The following CCDC178 variants were observed in gnomAD, a reference collection of about 807,000 sequenced individuals.
The protein encoded by CCDC178 is coiled-coil domain-containing protein 178.
Under a neutral mutation model 117.4 loss-of-function variants are expected in CCDC178, and 126 were observed. The ratio of observed to expected loss-of-function variants is 1.07; its 90% CI spans 0.93 to 1.24. The LOEUF (loss-of-function observed/expected upper bound fraction) is 1.24, where lower values mean the gene tolerates loss of function less well. Ranked by LOEUF, CCDC178 falls within the 50% of genes most tolerant of loss-of-function variation. CCDC178 has a pLI of 0.00. For missense variants in CCDC178, 1,030 were observed against 986.9 expected (o/e 1.04, Z -0.59); for synonymous variants, 283 against 313.4 (o/e 0.90, Z 1.02).
intron 15 of CCDC178, among the ~76,000 whole-genome samples, chr18:33,229,311 G>A (rs1383160305): frequency 6.6e-6 from 1 of 152,122 alleles, no homozygotes; most frequent in Non-Finnish European, 1.5e-5. Flanking sequence ...GCTACCCCAG[G>A]AACAGGAATG....
chr18:33,167,551 A>G (rs2058547935), intron 20 of CCDC178, among the ~76,000 whole-genome samples: 3 of 152,212 alleles, frequency 2.0e-5, no homozygotes, highest in African/African-American at 7.2e-5. Flanking sequence ...TGTTGGCCAC[A>G]TGAATGTCTT....
chr18:32,979,067 A>G (rs1346511806), intron 21 of CCDC178, among the ~76,000 whole-genome samples: 1 of 151,804 alleles, frequency 6.6e-6, no homozygotes, highest in Non-Finnish European at 1.5e-5. Flanking sequence ...AAAAAAGTCT[A>G]TATGAGAAAT....
At chr18:33,283,837 T>G (rs9952144) in intron 12 of CCDC178, among the ~76,000 whole-genome samples, 12,666 of 152,234 alleles carry the variant, frequency 0.083, 895 homozygotes, top group African/African-American at 0.19. Context: ...CGTTGTGGAT[T>G]ACAGTGTGGT....
intron 21 of CCDC178, among the ~76,000 whole-genome samples, chr18:33,092,453 T>C (rs1347739531): frequency 1.3e-5 from 2 of 152,002 alleles, no homozygotes; most frequent in Non-Finnish European, 2.9e-5. Context: ...ACTCTTAGAA[T>C]TGAAATATAA....
intron 4 of CCDC178, 54 bp from the exon 5 acceptor site, chr18:33,389,683 T>G (rs1188527664): frequency 7.8e-6 from 7 of 899,270 alleles, no homozygotes; most frequent in African/African-American, 1.8e-5. Flanking sequence ...TATAGAAAAT[T>G]TTAAAATAAG....
At chr18:32,974,339 T>G (rs533348656) in intron 22 of CCDC178, among the ~76,000 whole-genome samples, 2 of 152,312 alleles carry the variant, frequency 1.3e-5, no homozygotes, top group East Asian at 3.9e-4. Flanking sequence ...TTGTGAGAAA[T>G]AAGTCCAATC....
intron 20 of CCDC178, among the ~76,000 whole-genome samples, chr18:33,113,318 G>A (rs1293284332): frequency 2.6e-5 from 4 of 151,340 alleles, no homozygotes; most frequent in Non-Finnish European, 5.9e-5. Context: ...ATAAAAACAT[G>A]TGTATTTCTT....
intron 20 of CCDC178, among the ~76,000 whole-genome samples, chr18:33,164,719 A>G (rs1332339991): frequency 6.6e-6 from 1 of 152,070 alleles, no homozygotes; most frequent in East Asian, 1.9e-4. Flanking sequence ...GTATATTGCC[A>G]TTTGTTATTT....
intron 21 of CCDC178, among the ~76,000 whole-genome samples, chr18:33,004,482 A>G (rs988453706): frequency 1.3e-5 from 2 of 152,146 alleles, no homozygotes; most frequent in Admixed American, 6.5e-5. Flanking sequence ...TCAAAATTCA[A>G]ATCAGAATGG....
intron 22 of CCDC178, among the ~76,000 whole-genome samples, chr18:32,957,235 T>G (rs1459513940): frequency 6.6e-6 from 1 of 152,206 alleles, no homozygotes; most frequent in African/African-American, 2.4e-5. Context: ...GATCTGATCA[T>G]GCAGTCTTGT....
chr18:32,938,770 A>G (rs185433023), intron 22 of CCDC178, among the ~76,000 whole-genome samples: 79 of 152,274 alleles, frequency 5.2e-4, no homozygotes, highest in African/African-American at 1.8e-3. Context: ...CAACACATAA[A>G]AAGTTAGTTC....
At chr18:33,390,812 TAAAAA>T (rs2063553974) in intron 4 of CCDC178, among the ~76,000 whole-genome samples, 1 of 151,684 alleles carries the variant, frequency 6.6e-6, no homozygotes. Flanking sequence ...TGCTATAAAA[TAAAAA>T]AATTGTTTTA....
intron 12 of CCDC178, among the ~76,000 whole-genome samples, chr18:33,289,773 T>A (rs2060144976): frequency 6.6e-6 from 1 of 152,162 alleles, no homozygotes; most frequent in Non-Finnish European, 1.5e-5. Context: ...TAATAAATTA[T>A]CTTAAGAAAA....
intron 21 of CCDC178, among the ~76,000 whole-genome samples, chr18:33,023,452 A>G (rs1301905160): frequency 6.6e-6 from 1 of 152,186 alleles, no homozygotes; most frequent in Non-Finnish European, 1.5e-5. Context: ...TTGGAAAATA[A>G]CACATTTCTA....
intron 12 of CCDC178, among the ~76,000 whole-genome samples, chr18:33,281,082 C>T (rs1307010964): frequency 2.4e-5 from 3 of 123,684 alleles, no homozygotes; most frequent in African/African-American, 9.7e-5. Context: ...TGCACATGTA[C>T]CTTAAAACTT....
chr18:32,971,947 CT>C lies in CCDC178; in HGVS notation c.2523+2599del, dbSNP rs550161215. 2.1e-4 allele frequency among the ~76,000 whole-genome samples: 32 copies of C among 152,000 alleles called. 2 individuals carry two copies. In the South Asian group the frequency reaches 6.6e-3, roughly 32 times the overall value. Reference sequence around the variant, plus strand: ...CTTTGTCTGATGGGTAGATCACAAACTTTTTTTCCCATTTTATAGGTTGCCT... The same window carrying C: ...CTTTGTCTGATGGGTAGATCACAAACTTTTTTCCCATTTTATAGGTTGCCT... On this transcript the variant is annotated intron_variant, in intron 22 of 22. Transcript: ENST00000383096.
At chr18:33,048,547 T>A (rs2056687612) in intron 21 of CCDC178, among the ~76,000 whole-genome samples, 1 of 152,202 alleles carries the variant, frequency 6.6e-6, no homozygotes, top group African/African-American at 2.4e-5. Flanking sequence ...TTTTACAACT[T>A]ACTTGCTTCA....
chr18:33,036,338 C>T (rs929636300), intron 21 of CCDC178, among the ~76,000 whole-genome samples: 2 of 151,630 alleles, frequency 1.3e-5, no homozygotes, highest in African/African-American at 4.8e-5. Flanking sequence ...ATCAATTATT[C>T]GTTATATGTC....
intron 22 of CCDC178, among the ~76,000 whole-genome samples, chr18:32,957,062 A>T (rs1402732688): frequency 6.6e-6 from 1 of 152,296 alleles, no homozygotes. Context: ...TCAGCCCTGG[A>T]TTTTGACTTT....
Sources: allele counts gnomAD v4.1 joint callset (sites outside exome capture counted in the v4.1 genomes callset), GRCh38; gene constraint gnomAD v4.1.1; transcripts MANE v1.5; gene names NCBI Gene and HGNC (gene_info 2026-07-23, HGNC 2026-07-21).